The following APMAP variants were observed in gnomAD, a reference collection of about 807,000 sequenced individuals.
APMAP encodes the protein adipocyte plasma membrane-associated protein.
APMAP carries 33 observed loss-of-function variants against 43.6 expected under a neutral mutation model. That is an observed-to-expected ratio of 0.76 (90% CI 0.57 to 1.01). The LOEUF (loss-of-function observed/expected upper bound fraction) is 1.01. Among genes scored for constraint, APMAP ranks in the 50% least tolerant of loss-of-function variants. APMAP has a pLI of 0.00. For synonymous variants in APMAP, 224 were observed against 216.7 expected (o/e 1.03, Z -0.30); for missense variants, 498 against 540.7 (o/e 0.92, Z 0.78).
At chr20:24,981,821 T>G (rs1230224629) in intron 2 of APMAP, among the ~76,000 whole-genome samples, 4 of 152,220 alleles carry the variant, frequency 2.6e-5, no homozygotes, top group African/African-American at 9.6e-5. Context: ...CTAGAAACAT[T>G]CATATCCTTC....
chr20:24,979,356 G>A (rs888076211), intron 2 of APMAP, among the ~76,000 whole-genome samples: 6 of 152,180 alleles, frequency 3.9e-5, no homozygotes, highest in Admixed American at 2.0e-4. Context: ...TGGAGCCACC[G>A]TCCCATGGTC....
Position 24,971,459 on chromosome 20 carries a change from C to G in APMAP, c.538+1G>C, listed in dbSNP as rs1440409052. ...GAAGGAAACGAGATATTGTCACATA[C>G]GTTTCCAGGGATTTACTTCAAATAG... On this transcript the variant is annotated splice_donor_variant, in intron 5 of 8. Coordinates refer to ENST00000217456, the MANE Select transcript of APMAP (RefSeq NM_020531.3). LOFTEE classifies it high-confidence loss of function. 1 of 1,610,478 alleles carries G rather than the reference C, an allele frequency of 6.2e-7. No individual in the cohort carries two copies. Among genetic ancestry groups the G allele is most frequent in the South Asian group, 1.1e-5 (1 of 91,014 alleles).
At chr20:24,987,728 T>C (rs1052433614) in intron 1 of APMAP, among the ~76,000 whole-genome samples, 1 of 152,148 alleles carries the variant, frequency 6.6e-6, no homozygotes, top group Non-Finnish European at 1.5e-5. Flanking sequence ...AATCACTGAT[T>C]TGAACATTTT....
chr20:24,971,683 A>G, intron 4 of APMAP, 107 bp from the exon 5 acceptor site: 2 of 926,676 alleles, frequency 2.2e-6, no homozygotes, highest in Non-Finnish European at 3.5e-6. Context: ...CATGCTGTAC[A>G]GAACAAGACA....
chr20:24,973,623 C>T (rs762708872), intron 4 of APMAP, 22 bp downstream of exon 4: 4 of 1,598,762 alleles, frequency 2.5e-6, no homozygotes, highest in Non-Finnish European at 1.7e-6. Flanking sequence ...AGAGACACAT[C>T]GAGGGATTAT....
intron 4 of APMAP, among the ~76,000 whole-genome samples, chr20:24,972,711 T>C (rs1292739722): frequency 1.3e-5 from 2 of 148,778 alleles, no homozygotes; most frequent in East Asian, 4.1e-4. Flanking sequence ...AGGTGTTCAC[T>C]ATAGGTGCTC....
At chr20:24,977,155 C>A (rs963051118) in intron 3 of APMAP, among the ~76,000 whole-genome samples, 1 of 152,220 alleles carries the variant, frequency 6.6e-6, no homozygotes, top group African/African-American at 2.4e-5. Context: ...CAAGAGTGAA[C>A]CCTACCGTAA....
intron 1 of APMAP, among the ~76,000 whole-genome samples, chr20:24,984,853 A>C (rs1024856894): frequency 1.3e-5 from 2 of 152,230 alleles, no homozygotes; most frequent in African/African-American, 4.8e-5. Flanking sequence ...TAGGATCATT[A>C]CTTGCTTACA....
chr20:24,978,748 C>CCCA lies in APMAP; in HGVS notation c.328+18_328+19insTGG. 2 of 1,325,756 alleles carry CCCA rather than the reference C, an allele frequency of 1.5e-6. No homozygotes were observed. Among genetic ancestry groups the CCCA allele is most frequent in the Non-Finnish European group, 2.1e-6 (2 of 954,896 alleles). The allele number at this position is 1,325,756 out of a possible 1,614,324, so 82.1% of individuals were successfully genotyped here. ...CAGACAGCCTGGAAGGCTCCCCCCCCACCCAAGCTTAGACTTACCCCCAAT... is the reference window on the plus strand; with the variant it reads ...CAGACAGCCTGGAAGGCTCCCCCCCCCCAACCCAAGCTTAGACTTACCCCCAAT... On this transcript the variant is annotated intron_variant, in intron 3 of 8. Coordinates refer to ENST00000217456, the MANE Select transcript of APMAP (RefSeq NM_020531.3).
At chr20:24,964,368 C>T in intron 8 of APMAP, 1 of 514,118 alleles carries the variant, frequency 1.9e-6, no homozygotes, top group Admixed American at 2.3e-5. Context: ...GAATGACCTC[C>T]ACTCACCAGA....
intron 8 of APMAP, 97 bp from the exon 9 acceptor site, chr20:24,964,119 C>A: frequency 1.6e-6 from 2 of 1,270,550 alleles, no homozygotes; most frequent in Non-Finnish European, 2.2e-6. Context: ...AACGGTCTGA[C>A]TCCTTCCCAT....
chr20:24,989,657 C>T (rs1007274002), intron 1 of APMAP, among the ~76,000 whole-genome samples: 1 of 151,718 alleles, frequency 6.6e-6, no homozygotes, highest in Non-Finnish European at 1.5e-5. Context: ...TTAGTGACAG[C>T]ATCTTGAATT....
chr20:24,986,257 C>T (rs1025860341), intron 1 of APMAP, among the ~76,000 whole-genome samples: 3 of 152,212 alleles, frequency 2.0e-5, no homozygotes, highest in Non-Finnish European at 4.4e-5. Context: ...GGGTTCAGAG[C>T]TCACCCCGTA....
chr20:24,986,189 T>C (rs998033892), intron 1 of APMAP, among the ~76,000 whole-genome samples: 9 of 152,212 alleles, frequency 5.9e-5, no homozygotes, highest in African/African-American at 1.9e-4. Flanking sequence ...TCTATTTTTC[T>C]TCTAATAATC....
At chr20:24,980,436 G>C (rs1334838589) in intron 2 of APMAP, among the ~76,000 whole-genome samples, 1 of 150,600 alleles carries the variant, frequency 6.6e-6, no homozygotes, top group Non-Finnish European at 1.5e-5. Context: ...CTCGGCCTCG[G>C]TCACCTCAAC....
At chr20:24,978,108 A>G (rs2088066537) in intron 3 of APMAP, among the ~76,000 whole-genome samples, 1 of 152,254 alleles carries the variant, frequency 6.6e-6, no homozygotes, top group Non-Finnish European at 1.5e-5. Flanking sequence ...CTTCCAAAGA[A>G]GCTGCTCAGC....
intron 3 of APMAP, chr20:24,974,149 G>A (rs1351496331): frequency 1.9e-5 from 3 of 156,482 alleles, no homozygotes; most frequent in African/African-American, 4.8e-5. Context: ...AAATCCTTTA[G>A]AAGAAAATTA....
chr20:24,969,347 C>G (rs2087977163), intron 7 of APMAP, among the ~76,000 whole-genome samples, 179 bp downstream of exon 7: 1 of 152,232 alleles, frequency 6.6e-6, no homozygotes, highest in Non-Finnish European at 1.5e-5. Flanking sequence ...TTAAGACACT[C>G]TTCCGGACTG....
At chr20:24,979,132 G>A (rs1221515690) in intron 2 of APMAP, among the ~76,000 whole-genome samples, 1 of 152,174 alleles carries the variant, frequency 6.6e-6, no homozygotes, top group Non-Finnish European at 1.5e-5. Flanking sequence ...AGCATCCTGA[G>A]GCCTGTGCCC....
Sources: gnomAD v4.1 joint callset for allele counts (sites outside exome capture counted in the v4.1 genomes callset) on GRCh38, gnomAD v4.1.1 for gene constraint, MANE v1.5 for transcripts, NCBI Gene and HGNC (gene_info 2026-07-23, HGNC 2026-07-21) for gene names.